Variants in FABP7 observed in about 807,000 individuals in gnomAD.
FABP7 encodes the protein fatty acid binding protein 7.
In FABP7, 13 loss-of-function variants were observed where a neutral mutation model predicts 14.2. The observed-to-expected ratio is 0.91, with a 90% CI of 0.59 to 1.45. The LOEUF is 1.45. Ranked by LOEUF, FABP7 falls within the 40% of genes most tolerant of loss-of-function variation. The pLI, the probability that FABP7 is intolerant of heterozygous loss-of-function variation, is 0.00. For synonymous variants in FABP7, 49 were observed against 51.4 expected, an observed-to-expected ratio of 0.95 and a Z score of 0.20; for missense variants, 149 against 157.6, an observed-to-expected ratio of 0.95 and a Z score of 0.29.
At chr6:122,753,797 C>CCCCCG in the FABP7 span, among the ~76,000 whole-genome samples, 68 of 106,018 alleles carry the variant, frequency 6.4e-4, 2 homozygotes, top group Admixed American at 2.7e-4. Flanking sequence ...CCCCCCCCGC[C>CCCCCG]CACAGAAGTT....
the FABP7 span, among the ~76,000 whole-genome samples, chr6:122,769,420 G>A: frequency 6.6e-6 from 1 of 151,992 alleles, no homozygotes; most frequent in Non-Finnish European, 1.5e-5. Flanking sequence ...AAATCCTATT[G>A]TAAGCTCTGT....
chr6:122,756,250 G>C, the FABP7 span, among the ~76,000 whole-genome samples: 2 of 152,102 alleles, frequency 1.3e-5, no homozygotes, highest in African/African-American at 4.8e-5. Context: ...CCCAAGCTTT[G>C]CAAAACCTCC....
At chr6:122,749,573 A>T in the FABP7 span, among the ~76,000 whole-genome samples, 1 of 152,186 alleles carries the variant, frequency 6.6e-6, no homozygotes, top group Non-Finnish European at 1.5e-5. Flanking sequence ...CTCATGACTG[A>T]CACCACCCAA....
chr6:122,755,407 T>A, the FABP7 span, among the ~76,000 whole-genome samples: 1 of 151,454 alleles, frequency 6.6e-6, no homozygotes, highest in African/African-American at 2.4e-5. Context: ...ACTTATAACC[T>A]TGATTCTTAA....
chr6:122,763,758 G>A, the FABP7 span, among the ~76,000 whole-genome samples: 2 of 152,134 alleles, frequency 1.3e-5, no homozygotes, highest in East Asian at 3.9e-4. Flanking sequence ...CTCAAAAGAA[G>A]ACATTTATGC....
the FABP7 span, among the ~76,000 whole-genome samples, chr6:122,757,178 A>G: frequency 2.0e-5 from 3 of 152,150 alleles, no homozygotes; most frequent in Non-Finnish European, 4.4e-5. Context: ...CCTTGAGTGT[A>G]TAATAGACAT....
the FABP7 span, among the ~76,000 whole-genome samples, chr6:122,749,653 T>A: frequency 6.6e-6 from 1 of 152,192 alleles, no homozygotes; most frequent in African/African-American, 2.4e-5. Context: ...GCAGCTGTAT[T>A]TAAATGCCAC....
chr6:122,752,698 G>A, the FABP7 span, among the ~76,000 whole-genome samples: 1 of 152,212 alleles, frequency 6.6e-6, no homozygotes, highest in Admixed American at 6.5e-5. Context: ...AATTATGCCA[G>A]GACACCATGG....
chr6:122,751,295 A>T, the FABP7 span, among the ~76,000 whole-genome samples: 1 of 152,224 alleles, frequency 6.6e-6, no homozygotes, highest in African/African-American at 2.4e-5. Flanking sequence ...AACTACACAG[A>T]ATATGTAAAC....
the FABP7 span, among the ~76,000 whole-genome samples, chr6:122,753,784 G>GCC: frequency 4.8e-3 from 171 of 35,528 alleles, no homozygotes; most frequent in African/African-American, 0.01. Flanking sequence ...TCCAAATCCC[G>GCC]CCCCCCCCCC....
chr6:122,783,060 A>C (rs9490549), intron 3 of FABP7: 1 of 985,056 alleles, frequency 1.0e-6, no homozygotes, highest in Admixed American at 6.2e-5. Flanking sequence ...ACTCCTGAAC[A>C]TCACATCAAT....
chr6:122,770,594 T>C, the FABP7 span, among the ~76,000 whole-genome samples: 1 of 152,166 alleles, frequency 6.6e-6, no homozygotes, highest in Non-Finnish European at 1.5e-5. Flanking sequence ...ATTACATACA[T>C]AGGATTTCAA....
At chr6:122,759,464 A>G in the FABP7 span, among the ~76,000 whole-genome samples, 1 of 152,206 alleles carries the variant, frequency 6.6e-6, no homozygotes, top group African/African-American at 2.4e-5. Context: ...AAATAATGCT[A>G]CAAATCATTA....
At chr6:122,781,063 C>T (rs948166844) in intron 2 of FABP7, 30 bp from the exon 3 acceptor site, 3 of 1,593,924 alleles carry the variant, frequency 1.9e-6, no homozygotes. Flanking sequence ...GTATTTATTG[C>T]TATGTTCTGC....
chr6:122,780,969 A>G, intron 2 of FABP7, 124 bp from the exon 3 acceptor site: 5 of 1,146,198 alleles, frequency 4.4e-6, no homozygotes, highest in Non-Finnish European at 5.9e-6. Flanking sequence ...AGAAATAACA[A>G]TAGGATAATT....
the FABP7 span, among the ~76,000 whole-genome samples, chr6:122,751,306 T>G: frequency 3.9e-5 from 6 of 152,236 alleles, no homozygotes; most frequent in Non-Finnish European, 7.3e-5. Flanking sequence ...ATATGTAAAC[T>G]ACATGCCTGG....
chr6:122,778,837 A>G (rs12194377), upstream of FABP7, among the ~76,000 whole-genome samples: 23,548 of 151,738 alleles, frequency 0.16, 2,160 homozygotes, highest in Middle Eastern at 0.24. Flanking sequence ...CAGGAAATCA[A>G]AAGGTCCTAG....
At chr6:122,750,842 G>A in the FABP7 span, among the ~76,000 whole-genome samples, 7 of 152,194 alleles carry the variant, frequency 4.6e-5, no homozygotes, top group African/African-American at 1.7e-4. Flanking sequence ...GGAAGAATAA[G>A]GGAAAGTTGA....
the FABP7 span, among the ~76,000 whole-genome samples, chr6:122,773,886 T>TA: frequency 6.2e-3 from 934 of 150,792 alleles, 9 homozygotes; most frequent in African/African-American, 0.018. Flanking sequence ...CACTACTTTT[T>TA]AAAAAAAACA....
Sources: allele counts gnomAD v4.1 joint callset (sites outside exome capture counted in the v4.1 genomes callset), GRCh38; gene constraint gnomAD v4.1.1; transcripts MANE v1.5; gene names NCBI Gene and HGNC (gene_info 2026-07-23, HGNC 2026-07-21).